PLP2: variants seen among roughly 807,000 people sequenced by gnomAD.
PLP2 encodes proteolipid protein 2.
PLP2 carries 8 observed loss-of-function variants against 11.4 expected under a neutral mutation model. The observed-to-expected ratio is 0.70, with a 90% CI of 0.41 to 1.27. The LOEUF (loss-of-function observed/expected upper bound fraction) is 1.27. Ranked by LOEUF, PLP2 falls within the 50% of genes most tolerant of loss-of-function variation. The probability of loss-of-function intolerance (pLI) is 0.01; values close to 1 mark genes in which losing one functional copy is unlikely to be tolerated. For missense variants in PLP2, 127 were observed against 123.5 expected (o/e 1.03, Z -0.14); for synonymous variants, 50 against 53.2 (o/e 0.94, Z 0.26).
In PLP2 at chrX:49,174,671, G is replaced by T; in HGVS notation, c.437-1G>T. ...GCTTTCTCTCTTTTCCTCACCTGCA[G>T]ACCCCGCAGATGGCCCGGTGTAGGC... is the stretch of plus-strand genomic sequence containing the variant. On this transcript the variant is annotated splice_acceptor_variant, in intron 4 of 4. Coordinates refer to ENST00000376327, the MANE Select transcript of PLP2 (RefSeq NM_002668.3). LOFTEE classifies it high-confidence loss of function. 2 of 1,206,667 alleles carry T rather than the reference G, an allele frequency of 1.7e-6. No individual in the cohort carries two copies. Among genetic ancestry groups the T allele is most frequent in the Non-Finnish European group, 2.2e-6 (2 of 891,154 alleles).
At position 49,174,974 on chromosome X, in the gene PLP2, G is replaced by A. The variant is rs2065407166; in HGVS notation, c.*280G>A. 4.6e-6 allele frequency: 2 copies of A among 433,003 alleles called. No individual in the cohort carries two copies. The highest frequency in any genetic ancestry group is 8.1e-6 in the Non-Finnish European group (2 of 247,024). 35.7% of individuals were successfully genotyped at this position (433,003 alleles called of 1,213,427 possible). A position where few individuals can be genotyped will look rare whatever the true frequency, so the allele number is the denominator to read the frequency against. Reference sequence around the variant, plus strand: ...ACCTAAGTCACAAAATGAGGGAAGTGGGGAGTTAGATTTCAGAGTCCAGGC... The same window carrying A: ...ACCTAAGTCACAAAATGAGGGAAGTAGGGAGTTAGATTTCAGAGTCCAGGC... On this transcript the variant is annotated 3_prime_UTR_variant, in exon 5 of 5. Coordinates refer to ENST00000376327, the MANE Select transcript of PLP2 (RefSeq NM_002668.3).
Position 49,174,987 on chromosome X carries a change from T to G in PLP2, c.*293T>G. On this transcript the variant is annotated 3_prime_UTR_variant, in exon 5 of 5. Transcript: ENST00000376327. ...AATGAGGGAAGTGGGGAGTTAGATT[T>G]CAGAGTCCAGGCCCTAGGTTGGGAC... 1 of 428,369 alleles carries G rather than the reference T, an allele frequency of 2.3e-6. No homozygotes were observed. The highest frequency in any genetic ancestry group is 3.9e-5 in the East Asian group (1 of 25,860). The allele number at this position is 428,369 out of a possible 1,213,427, so 35.3% of individuals were successfully genotyped here.
Position 49,173,173 on chromosome X carries a change from A to T in PLP2, c.141A>T (p.Pro47=), listed in dbSNP as rs2065398145. 1 of 1,206,860 alleles carries T rather than the reference A, an allele frequency of 8.3e-7. No individual in the cohort carries two copies. The highest frequency in any genetic ancestry group is 2.2e-5 in the Admixed American group (1 of 45,672). The change falls in exon 2 of 5, where the codon CCA becomes CCT. Residue 47 remains proline, a synonymous_variant. Coordinates refer to ENST00000376327, the MANE Select transcript of PLP2 (RefSeq NM_002668.3). ...VILICFSAST[P]GYSSLSVIEM... is the part of the protein sequence containing the mutation. ...TGATCTGCTTCAGTGCCTCCACACC[A>T]GGCTACTCCTCCCTGTCGGTGATTG...
chrX:49,173,099 G>A, intron 1 of PLP2, 30 bp from the exon 2 acceptor site: 1 of 1,202,853 alleles, frequency 8.3e-7, no homozygotes, highest in South Asian at 1.8e-5. Context: ...GTTGCTGATT[G>A]AGGTCCCCTT....
At chrX:49,172,553 C>T (rs1459539321) in intron 1 of PLP2, among the ~76,000 whole-genome samples, 2 of 111,880 alleles carry the variant, frequency 1.8e-5, no homozygotes, top group African/African-American at 6.5e-5. Context: ...GCCAGTTCTT[C>T]CTCGCCCTTC....
chrX:49,173,170 A>C lies in PLP2; in HGVS notation c.138A>C (p.Thr46=). The change falls in exon 2 of 5, where the codon ACA becomes ACC. Residue 46 remains threonine, a synonymous_variant. Coordinates refer to ENST00000376327, the MANE Select transcript of PLP2 (RefSeq NM_002668.3). The part of the protein sequence containing the change: ...LVILICFSAS[T]PGYSSLSVIE... The stretch of plus-strand genomic sequence containing the variant: ...TCCTGATCTGCTTCAGTGCCTCCAC[A>C]CCAGGCTACTCCTCCCTGTCGGTGA... The C allele has an allele frequency of 8.3e-7, 1 of 1,209,256 alleles. No homozygotes were observed. The highest frequency in any genetic ancestry group is 1.1e-6 in the Non-Finnish European group (1 of 893,586).
Position 49,172,043 on chromosome X carries a change from G to A in PLP2, c.43G>A (p.Ala15Thr). 8.3e-7 allele frequency: 1 copy of A among 1,208,291 alleles called. No individual in the cohort carries two copies. ...ERLSAPGCWA[A>T]CTNFSRTRKG... Reference sequence around the variant, plus strand: ...CCTCTCGGCTCCTGGCTGCTGGGCCGCCTGCACCAACTTCTCGCGCACTCG... The same window carrying A: ...CCTCTCGGCTCCTGGCTGCTGGGCCACCTGCACCAACTTCTCGCGCACTCG... The change falls in exon 1 of 5, where the codon GCC becomes ACC. Residue 15 changes from alanine to threonine, a missense_variant. By Grantham distance (58) the Ala-to-Thr change is moderately conservative. Coordinates refer to ENST00000376327, the MANE Select transcript of PLP2 (RefSeq NM_002668.3).
chrX:49,172,904 A>C (rs1409827412), intron 1 of PLP2, among the ~76,000 whole-genome samples: 4 of 112,736 alleles, frequency 3.5e-5, no homozygotes, highest in Non-Finnish European at 7.5e-5. Flanking sequence ...TCTGTGCCTC[A>C]GTTTTCTCGT....
chrX:49,174,484 A>G (rs782739679), intron 4 of PLP2, 59 bp downstream of exon 4: 103 of 1,020,679 alleles, frequency 1.0e-4, no homozygotes, highest in Non-Finnish European at 1.4e-4. Flanking sequence ...CAGAGGGAAA[A>G]AGGAAAGGGA....
Position 49,174,736 on chromosome X carries a change from C to T in PLP2, c.*42C>T. 9.0e-7 allele frequency: 1 copy of T among 1,112,244 alleles called. No homozygotes were observed. Among genetic ancestry groups the T allele is most frequent in the Non-Finnish European group, 1.2e-6 (1 of 806,762 alleles). 91.7% of individuals were successfully genotyped at this position (1,112,244 alleles called of 1,213,427 possible). On this transcript the variant is annotated 3_prime_UTR_variant, in exon 5 of 5. Coordinates refer to ENST00000376327, the MANE Select transcript of PLP2 (RefSeq NM_002668.3). ...TCTCTCTGCAATCTGCAAATAACTC[C>T]TCCATTGAAATAACTCCTCCCCACC... is the stretch of plus-strand genomic sequence containing the variant.
Position 49,174,812 on chromosome X carries a change from A to C in PLP2, c.*118A>C. The C allele has an allele frequency of 1.5e-6, 1 of 653,440 alleles. No individual in the cohort carries two copies. The highest frequency in any genetic ancestry group is 2.3e-5 in the South Asian group (1 of 42,881). 53.9% of individuals were successfully genotyped at this position (653,440 alleles called of 1,213,427 possible). A position where few individuals can be genotyped will look rare whatever the true frequency, so the allele number is the denominator to read the frequency against. Reference sequence around the variant, plus strand: ...AACTCCCACCCCCTCTTTGAGGTAAAAGTGCCTTTATTGGGAGACTTTTGT... The same window carrying C: ...AACTCCCACCCCCTCTTTGAGGTAACAGTGCCTTTATTGGGAGACTTTTGT... On this transcript the variant is annotated 3_prime_UTR_variant, in exon 5 of 5. Transcript: ENST00000376327.
Position 49,174,762 on chromosome X carries a change from CCAA to C in PLP2, c.*77_*79del, listed in dbSNP as rs1473366878. 48 of 918,327 alleles carry C rather than the reference CCAA, an allele frequency of 5.2e-5. No individual in the cohort carries two copies. Among genetic ancestry groups the C allele is most frequent in the Admixed American group, 2.1e-4 (9 of 42,866 alleles). The allele number at this position is 918,327 out of a possible 1,213,427, so 75.7% of individuals were successfully genotyped here. On this transcript the variant is annotated 3_prime_UTR_variant, in exon 5 of 5. Coordinates refer to ENST00000376327, the MANE Select transcript of PLP2 (RefSeq NM_002668.3). Reference sequence around the variant, plus strand: ...TCCATTGAAATAACTCCTCCCCACCCCAACAACAACATTCCCAGCAGACCAACT... The same window carrying C: ...TCCATTGAAATAACTCCTCCCCACCCCAACAACATTCCCAGCAGACCAACT...
chrX:49,172,139 G>T (rs781907949), intron 1 of PLP2, 43 bp downstream of exon 1: 45 of 955,249 alleles, frequency 4.7e-5, no homozygotes, highest in Non-Finnish European at 6.4e-5. Flanking sequence ...GCGGGATGGG[G>T]TGGCTGGACC....
Position 49,174,904 on chromosome X carries a change from G to C in PLP2, c.*210G>C. The C allele has an allele frequency of 2.1e-6, 1 of 474,255 alleles. No individual in the cohort carries two copies. The allele number at this position is 474,255 out of a possible 1,213,427, so 39.1% of individuals were successfully genotyped here. On this transcript the variant is annotated 3_prime_UTR_variant, in exon 5 of 5. Coordinates refer to ENST00000376327, the MANE Select transcript of PLP2 (RefSeq NM_002668.3). ...ATGTGTGTGCCTAGGTCCTCCTTCT[G>C]CACGATCCAATAGGAGACACCAGTT...
rs141801067 is a variant in PLP2 at position 49,174,693 on chromosome X, A to G, written c.458A>G (p.Ter153TrpextTer39). Residue 153 changes from the stop codon to tryptophan (W), a stop_lost, in exon 5 of 5, where the codon TAG becomes TGG. Coordinates refer to ENST00000376327, the MANE Select transcript of PLP2 (RefSeq NM_002668.3). Reference sequence around the variant, plus strand: ...GCAGACCCCGCAGATGGCCCGGTGTAGGCGAACTTCCCTCATTTCTCTCTG... The same window carrying G: ...GCAGACCCCGCAGATGGCCCGGTGTGGGCGAACTTCCCTCATTTCTCTCTG... Reference protein sequence around the residue: ...APTDPADGPV* With the variant: ...APTDPADGPVW 8 of 1,203,360 alleles carry G rather than the reference A, an allele frequency of 6.6e-6. No individual in the cohort carries two copies. Among genetic ancestry groups the G allele is most frequent in the Non-Finnish European group, 9.0e-6 (8 of 888,127 alleles).
Position 49,173,427 on chromosome X carries a change from A to C in PLP2, c.289A>C (p.Ile97Leu). 8.3e-7 allele frequency: 1 copy of C among 1,211,562 alleles called. No individual in the cohort carries two copies. The highest frequency in any genetic ancestry group is 1.1e-6 in the Non-Finnish European group (1 of 895,439). Residue 97 changes from isoleucine to leucine, a missense_variant, in exon 3 of 5, where the codon ATC (isoleucine) becomes CTC (leucine). Coordinates refer to ENST00000376327, the MANE Select transcript of PLP2 (RefSeq NM_002668.3). ...CCTCATAGCGGCAATCCTCTACCTG[A>C]TCACCTCCATTGTTGTCCTTGTTGA... ...RTLIAAILYL[I>L]TSIVVLVERG...
chrX:49,174,463 T>G (rs782016426), intron 4 of PLP2, 38 bp downstream of exon 4: 58 of 1,091,245 alleles, frequency 5.3e-5, no homozygotes, highest in Non-Finnish European at 7.3e-5. Context: ...GTAAGGGGGT[T>G]GCTGAGAGGG....
chrX:49,172,004 G>A lies in PLP2; in HGVS notation c.4G>A (p.Ala2Thr). The A allele has an allele frequency of 8.4e-7, 1 of 1,197,266 alleles. No individual in the cohort carries two copies. The highest frequency in any genetic ancestry group is 1.7e-5 in the African/African-American group (1 of 57,789). The change falls in exon 1 of 5, where the codon GCG becomes ACG. Residue 2 changes from alanine (A) to threonine (T), a missense_variant. Coordinates refer to ENST00000376327, the MANE Select transcript of PLP2 (RefSeq NM_002668.3). The stretch of plus-strand genomic sequence containing the variant: ...ACCAGGGACTCCAGCCCATGCCATG[G>A]CGGATTCTGAGCGCCTCTCGGCTCC... M[A>T]DSERLSAPGC...
intron 3 of PLP2, 190 bp downstream of exon 3, chrX:49,173,673 C>A: frequency 1.1e-6 from 1 of 921,052 alleles, no homozygotes; most frequent in South Asian, 2.2e-5. Flanking sequence ...GAAGGGAAGT[C>A]CCTTGTCAGA....
Sources: gnomAD v4.1 joint callset for allele counts (sites outside exome capture counted in the v4.1 genomes callset) on GRCh38, gnomAD v4.1.1 for gene constraint, MANE v1.5 for transcripts, NCBI Gene and HGNC (gene_info 2026-07-23, HGNC 2026-07-21) for gene names.